The following CAMTA1 variants were observed in gnomAD, a reference collection of about 807,000 sequenced individuals.
The protein encoded by CAMTA1 is calmodulin-binding transcription activator 1.
Under a neutral mutation model 170.9 loss-of-function variants are expected in CAMTA1, and 27 were observed. The observed-to-expected ratio is 0.16, with a 90% confidence interval of 0.12 to 0.22. CAMTA1 has a LOEUF of 0.22. Ranked by LOEUF, CAMTA1 falls within the 10% of genes least tolerant of loss-of-function variation. The pLI, the probability that CAMTA1 is intolerant of heterozygous loss-of-function variation, is 1.00. For synonymous variants in CAMTA1, 833 were observed against 891.5 expected, an observed-to-expected ratio of 0.93 and a Z score of 1.17; for missense variants, 1,619 against 2,217.2, an observed-to-expected ratio of 0.73 and a Z score of 5.42.
intron 4 of CAMTA1, among the ~76,000 whole-genome samples, chr1:7,152,815 G>A (rs1266084413): frequency 6.6e-6 from 1 of 152,230 alleles, no homozygotes; most frequent in African/African-American, 2.4e-5. Flanking sequence ...TTTGGCATCT[G>A]TATGAACCAG....
intron 4 of CAMTA1, among the ~76,000 whole-genome samples, chr1:7,103,562 CACACAACACA>C (rs146942564): frequency 1.5e-5 from 2 of 132,062 alleles, no homozygotes; most frequent in East Asian, 2.6e-4. Flanking sequence ...TACACACATA[CACACAACACA>C]ACTACACACA....
intron 4 of CAMTA1, among the ~76,000 whole-genome samples, chr1:7,096,458 C>T (rs796697616): frequency 2.2e-4 from 34 of 152,324 alleles, no homozygotes; most frequent in African/African-American, 7.9e-4. Context: ...CTCCCCGGCA[C>T]CTGCATGACG....
At chr1:7,384,378 C>T (rs542462524) in intron 5 of CAMTA1, among the ~76,000 whole-genome samples, 80 of 152,306 alleles carry the variant, frequency 5.3e-4, no homozygotes, top group African/African-American at 1.9e-3. Flanking sequence ...GGCTGCAGAC[C>T]TCACCTGGAT....
rs753098994 is a variant in CAMTA1 at position 7,663,435 on chromosome 1, G to A, written c.888G>A (p.Gly296=). ...CCAAGGTGGAGCCACGGACAGGGGG[G>A]TACGGGAGCCACTCGGAGGTGCAGC... ...ISPKVEPRTG[G]YGSHSEVQHN... Residue 296 remains glycine (G), a synonymous_variant, in exon 9 of 23, where the codon GGG becomes GGA. Transcript: ENST00000303635. 3 of 1,576,682 alleles carry A rather than the reference G, an allele frequency of 1.9e-6. No individual in the cohort carries two copies. Among genetic ancestry groups the A allele is most frequent in the Non-Finnish European group, 8.7e-7 (1 of 1,156,036 alleles).
chr1:7,405,887 T>C (rs1029159964), intron 5 of CAMTA1, among the ~76,000 whole-genome samples: 5 of 152,054 alleles, frequency 3.3e-5, no homozygotes, highest in African/African-American at 1.2e-4. Flanking sequence ...CCCCAGCTGT[T>C]GGGGGACAGA....
intron 7 of CAMTA1, among the ~76,000 whole-genome samples, 162 bp downstream of exon 7, chr1:7,640,715 A>G (rs1483299270): frequency 6.6e-6 from 1 of 152,236 alleles, no homozygotes; most frequent in Non-Finnish European, 1.5e-5. Context: ...CCCCACCTTC[A>G]CTTGGCCCCT....
At chr1:7,385,589 C>T (rs773971302) in intron 5 of CAMTA1, among the ~76,000 whole-genome samples, 5 of 152,142 alleles carry the variant, frequency 3.3e-5, no homozygotes, top group Non-Finnish European at 5.9e-5. Flanking sequence ...ACAGGGAGAG[C>T]CCCGGGGGGA....
chr1:7,022,756 A>ATCTCC (rs1701542372), intron 3 of CAMTA1, among the ~76,000 whole-genome samples: 1 of 152,208 alleles, frequency 6.6e-6, no homozygotes, highest in South Asian at 2.1e-4. Flanking sequence ...GTCTGGGGGA[A>ATCTCC]GGAGGAGCTC....
chr1:7,556,707 C>T (rs1259617745), intron 6 of CAMTA1, among the ~76,000 whole-genome samples: 1 of 152,126 alleles, frequency 6.6e-6, no homozygotes, highest in Admixed American at 6.5e-5. Flanking sequence ...GGGCCATCCA[C>T]CTCCCCTCCT....
At chr1:6,809,945 C>T (rs1263508853) in intron 1 of CAMTA1, among the ~76,000 whole-genome samples, 3 of 151,950 alleles carry the variant, frequency 2.0e-5, no homozygotes, top group East Asian at 1.9e-4. Context: ...ATTTCAGAAC[C>T]GTGGTGGCAT....
intron 5 of CAMTA1, among the ~76,000 whole-genome samples, chr1:7,395,327 G>A (rs1315912223): frequency 6.6e-6 from 1 of 152,178 alleles, no homozygotes; most frequent in Non-Finnish European, 1.5e-5. Flanking sequence ...TGAAAAGACT[G>A]CCCTTTCCCC....
At chr1:6,802,925 A>G (rs1339168638) in intron 1 of CAMTA1, among the ~76,000 whole-genome samples, 1 of 152,170 alleles carries the variant, frequency 6.6e-6, no homozygotes, top group Non-Finnish European at 1.5e-5. Context: ...TTATGTTTTT[A>G]GTAGAGACAG....
chr1:7,493,220 C>T (rs578187868), intron 6 of CAMTA1, among the ~76,000 whole-genome samples: 4 of 151,386 alleles, frequency 2.6e-5, no homozygotes, highest in Non-Finnish European at 2.9e-5. Flanking sequence ...TACATACACA[C>T]GCACACACAA....
chr1:7,479,619 C>A, intron 6 of CAMTA1, among the ~76,000 whole-genome samples: 1 of 152,198 alleles, frequency 6.6e-6, no homozygotes, highest in East Asian at 1.9e-4. Context: ...ATGTGAGATG[C>A]GCTGGTGCTG....
At chr1:7,692,930 C>T (rs539753117) in intron 11 of CAMTA1, among the ~76,000 whole-genome samples, 5 of 152,226 alleles carry the variant, frequency 3.3e-5, no homozygotes, top group East Asian at 3.9e-4. Context: ...CTTGAGTGTC[C>T]GGGAGGTGTG....
intron 6 of CAMTA1, among the ~76,000 whole-genome samples, chr1:7,469,729 A>G (rs1278246866): frequency 1.3e-5 from 2 of 152,088 alleles, no homozygotes; most frequent in Non-Finnish European, 1.5e-5. Context: ...TCATTCCATC[A>G]TGCCCTTGTG....
At chr1:7,543,875 A>C (rs1255433303) in intron 6 of CAMTA1, among the ~76,000 whole-genome samples, 3 of 152,148 alleles carry the variant, frequency 2.0e-5, no homozygotes, top group African/African-American at 7.2e-5. Flanking sequence ...GGGTTAAAGC[A>C]ACAGCTCTTG....
At chr1:7,604,558 G>A (rs1327345917) in intron 6 of CAMTA1, among the ~76,000 whole-genome samples, 1 of 152,018 alleles carries the variant, frequency 6.6e-6, no homozygotes, top group African/African-American at 2.4e-5. Context: ...TCTCTGTATT[G>A]GTTATTCTAG....
chr1:7,586,152 G>A (rs1420454024), intron 6 of CAMTA1, among the ~76,000 whole-genome samples: 1 of 152,078 alleles, frequency 6.6e-6, no homozygotes, highest in Non-Finnish European at 1.5e-5. Flanking sequence ...CAGGCACCTG[G>A]CTGCATCCAT....
Sources: allele counts gnomAD v4.1 joint callset (sites outside exome capture counted in the v4.1 genomes callset), GRCh38; gene constraint gnomAD v4.1.1; transcripts MANE v1.5; gene names NCBI Gene and HGNC (gene_info 2026-07-23, HGNC 2026-07-21).